The following GRM7 variants were observed in gnomAD, a reference collection of about 807,000 sequenced individuals.
GRM7 encodes glutamate metabotropic receptor 7, also known as metabotropic glutamate receptor 7.
A neutral mutation model predicts 84.5 loss-of-function variants in GRM7; 35 were observed. That is an observed-to-expected ratio of 0.41 (90% confidence interval 0.32 to 0.55). The LOEUF (loss-of-function observed/expected upper bound fraction) is 0.55, where lower values mean the gene tolerates loss of function less well. Among genes scored for constraint, GRM7 ranks in the 20% least tolerant of loss-of-function variants. The probability of loss-of-function intolerance (pLI) is 0.19; values close to 1 mark genes in which losing one functional copy is unlikely to be tolerated. For synonymous variants in GRM7, 487 were observed against 455.1 expected, an observed-to-expected ratio of 1.07 and a Z score of -0.89; for missense variants, 1,003 against 1,194.6, an observed-to-expected ratio of 0.84 and a Z score of 2.36.
At chr3:7,604,676 G>A (rs541233543) in intron 8 of GRM7, among the ~76,000 whole-genome samples, 1 of 152,268 alleles carries the variant, frequency 6.6e-6, no homozygotes, top group East Asian at 1.9e-4. Flanking sequence ...GATATACCAG[G>A]CAAGGCTTTG....
intron 4 of GRM7, 123 bp downstream of exon 4, chr3:7,306,775 T>A (rs1700208338): frequency 1.3e-6 from 1 of 743,144 alleles, no homozygotes; most frequent in African/African-American, 1.8e-5. Flanking sequence ...GTTTCAAACT[T>A]ATAGCCATGA....
chr3:7,211,538 T>C (rs1475583482), intron 2 of GRM7, among the ~76,000 whole-genome samples: 1 of 151,724 alleles, frequency 6.6e-6, no homozygotes, highest in Non-Finnish European at 1.5e-5. Context: ...GTCAACCCAT[T>C]ACCTTTTGAG....
In GRM7 at chr3:7,730,726, C is replaced by T. The variant is rs183838567; in HGVS notation, c.2699-9631C>T. ...ACTATTGCCTTGTTTGTAACATTAG[C>T]CTTAAGACAGACTTTGGTTCACAGC... On this transcript the variant is annotated intron_variant, in intron 9 of 9. Coordinates refer to ENST00000357716, the MANE Select transcript of GRM7 (RefSeq NM_000844.4). 2.7e-3 allele frequency among the ~76,000 whole-genome samples: 410 copies of T among 152,246 alleles called. 9 individuals are homozygous for T. Among genetic ancestry groups the T allele is most frequent in the Admixed American group, 0.024 (362 of 15,284 alleles).
chr3:7,195,622 T>C (rs1345910499), intron 2 of GRM7, among the ~76,000 whole-genome samples: 1 of 152,110 alleles, frequency 6.6e-6, no homozygotes, highest in Non-Finnish European at 1.5e-5. Context: ...GTATAATCTT[T>C]AAAGCAGGAG....
intron 7 of GRM7, among the ~76,000 whole-genome samples, chr3:7,537,849 A>G (rs1692639856): frequency 6.6e-6 from 1 of 152,208 alleles, no homozygotes; most frequent in Non-Finnish European, 1.5e-5. Flanking sequence ...GGCCCACTAA[A>G]TTGTAAGAAC....
chr3:7,582,988 T>C (rs978780957), intron 8 of GRM7, among the ~76,000 whole-genome samples: 2 of 152,194 alleles, frequency 1.3e-5, no homozygotes, highest in Non-Finnish European at 2.9e-5. Context: ...ACAGAAGACA[T>C]CCTGTAAATA....
chr3:7,528,791 C>A (rs2197979), intron 7 of GRM7, among the ~76,000 whole-genome samples: 57,753 of 151,730 alleles, frequency 0.38, 12,000 homozygotes, highest in East Asian at 0.46. Flanking sequence ...TTATTCAGGA[C>A]AAATTGTTTA....
intron 2 of GRM7, among the ~76,000 whole-genome samples, chr3:7,211,148 C>T (rs1338419472): frequency 1.3e-5 from 2 of 152,132 alleles, no homozygotes; most frequent in Admixed American, 1.3e-4. Flanking sequence ...TCTTCTTCAC[C>T]TTTGACTAAA....
chr3:7,456,880 G>A (rs1698040636), intron 6 of GRM7, among the ~76,000 whole-genome samples: 1 of 152,042 alleles, frequency 6.6e-6, no homozygotes, highest in African/African-American at 2.4e-5. Context: ...TAATCAGTGG[G>A]TCCTATGTCA....
chr3:7,462,724 C>T (rs1359518775), intron 7 of GRM7, among the ~76,000 whole-genome samples: 1 of 152,100 alleles, frequency 6.6e-6, no homozygotes, highest in African/African-American at 2.4e-5. Context: ...ACCTCATTTG[C>T]ACAGAGCCTT....
chr3:7,604,608 C>G (rs1399065148), intron 8 of GRM7, among the ~76,000 whole-genome samples: 1 of 152,170 alleles, frequency 6.6e-6, no homozygotes, highest in African/African-American at 2.4e-5. Context: ...AAAAGGCCAT[C>G]TTACTTTCTT....
intron 5 of GRM7, among the ~76,000 whole-genome samples, chr3:7,423,705 A>G (rs1194752287): frequency 2.2e-5 from 3 of 137,172 alleles, no homozygotes; most frequent in African/African-American, 8.3e-5. Context: ...TATGGGATGT[A>G]TAGCATCATA....
At chr3:7,100,415 A>G (rs1452370931) in intron 1 of GRM7, among the ~76,000 whole-genome samples, 1 of 151,718 alleles carries the variant, frequency 6.6e-6, no homozygotes, top group African/African-American at 2.4e-5. Flanking sequence ...TTTCCTCCTC[A>G]GAAAGAAAAT....
chr3:7,020,482 A>G (rs1306371611), intron 1 of GRM7, among the ~76,000 whole-genome samples: 1 of 152,232 alleles, frequency 6.6e-6, no homozygotes, highest in Non-Finnish European at 1.5e-5. Flanking sequence ...TCAATTGTTC[A>G]TCAAACATTG....
At chr3:7,134,262 G>A (rs2125056270) in intron 1 of GRM7, among the ~76,000 whole-genome samples, 1 of 152,152 alleles carries the variant, frequency 6.6e-6, no homozygotes, top group Admixed American at 6.5e-5. Flanking sequence ...TTAACCATAA[G>A]ACAAAATTTG....
At chr3:7,639,807 C>A (rs1218339542) in intron 8 of GRM7, among the ~76,000 whole-genome samples, 1 of 152,124 alleles carries the variant, frequency 6.6e-6, no homozygotes, top group Non-Finnish European at 1.5e-5. Flanking sequence ...CTGTCGCCCA[C>A]AACAAGATAT....
At chr3:7,731,083 TG>T (rs1224786466) in intron 9 of GRM7, among the ~76,000 whole-genome samples, 2 of 129,172 alleles carry the variant, frequency 1.5e-5, no homozygotes, top group East Asian at 1.9e-4. Flanking sequence ...TTTTTTCTTT[TG>T]TTTTTTTTTT....
intron 2 of GRM7, among the ~76,000 whole-genome samples, chr3:7,283,716 T>C (rs941506492): frequency 2.0e-5 from 3 of 152,152 alleles, no homozygotes; most frequent in African/African-American, 7.2e-5. Context: ...CACAATTATT[T>C]CCTACTTGAG....
chr3:7,001,097 G>T (rs1694997629), intron 1 of GRM7, among the ~76,000 whole-genome samples: 1 of 152,186 alleles, frequency 6.6e-6, no homozygotes, highest in Non-Finnish European at 1.5e-5. Context: ...AACCCAAAAT[G>T]AAGAAAACTA....
Sources: gnomAD v4.1 joint callset for allele counts (sites outside exome capture counted in the v4.1 genomes callset) on GRCh38, gnomAD v4.1.1 for gene constraint, MANE v1.5 for transcripts, NCBI Gene and HGNC (gene_info 2026-07-23, HGNC 2026-07-21) for gene names.